GALNT13: variants seen among roughly 807,000 people sequenced by gnomAD.
GALNT13 encodes the protein UDP-GalNAc:polypeptide N-acetylgalactosaminyltransferase 13.
A neutral mutation model predicts 64.2 loss-of-function variants in GALNT13; 28 were observed. The ratio of observed to expected loss-of-function variants is 0.44; its 90% CI spans 0.32 to 0.60. GALNT13 has a LOEUF of 0.60. Among genes scored for constraint, GALNT13 ranks in the 20% least tolerant of loss-of-function variants. GALNT13 has a pLI of 0.05. For synonymous variants in GALNT13, 214 were observed against 224.6 expected (o/e 0.95, Z 0.42); for missense variants, 577 against 669.8 (o/e 0.86, Z 1.53).
At chr2:153,350,053 G>A in the GALNT13 span, among the ~76,000 whole-genome samples, 79 of 152,112 alleles carry the variant, frequency 5.2e-4, no homozygotes, top group Non-Finnish European at 9.7e-4. Flanking sequence ...CACTCTTACC[G>A]AGGTATAGTC....
the GALNT13 span, among the ~76,000 whole-genome samples, chr2:153,783,965 T>C: frequency 6.6e-6 from 1 of 152,180 alleles, no homozygotes; most frequent in Non-Finnish European, 1.5e-5. Context: ...TACAGTAAAC[T>C]GGTACTGCAG....
At chr2:153,364,895 T>C in the GALNT13 span, among the ~76,000 whole-genome samples, 9 of 152,132 alleles carry the variant, frequency 5.9e-5, no homozygotes, top group African/African-American at 1.9e-4. Context: ...AAAACTACTT[T>C]AAATTTCCTA....
At chr2:153,433,964 T>C in the GALNT13 span, among the ~76,000 whole-genome samples, 1 of 152,118 alleles carries the variant, frequency 6.6e-6, no homozygotes, top group African/African-American at 2.4e-5. Flanking sequence ...TATCTCCTAA[T>C]GCTATCCCTC....
At chr2:154,269,142 C>A (rs1412069037) in intron 8 of GALNT13, among the ~76,000 whole-genome samples, 1 of 151,944 alleles carries the variant, frequency 6.6e-6, no homozygotes, top group African/African-American at 2.4e-5. Context: ...CAGGGGTTCC[C>A]ATTGAACAGA....
chr2:154,195,908 T>C (rs1282329439), intron 4 of GALNT13, among the ~76,000 whole-genome samples: 2 of 152,186 alleles, frequency 1.3e-5, no homozygotes, highest in African/African-American at 4.8e-5. Context: ...TCTGCAGAAC[T>C]GTACTGCTCC....
intron 4 of GALNT13, among the ~76,000 whole-genome samples, chr2:154,194,036 A>T (rs1377670647): frequency 1.3e-5 from 2 of 152,158 alleles, no homozygotes; most frequent in Non-Finnish European, 2.9e-5. Flanking sequence ...GTGGCTCTAG[A>T]CTGCACAGCA....
At chr2:153,205,177 G>GTT in the GALNT13 span, among the ~76,000 whole-genome samples, 3,952 of 135,810 alleles carry the variant, frequency 0.029, 104 homozygotes, top group African/African-American at 0.064. Flanking sequence ...AAACTTTAGT[G>GTT]TTTTTTTTTT....
At chr2:154,050,059 A>T (rs886229344) in intron 3 of GALNT13, among the ~76,000 whole-genome samples, 2 of 152,096 alleles carry the variant, frequency 1.3e-5, no homozygotes, top group African/African-American at 2.4e-5. Context: ...TTAAAATTAG[A>T]TTCAATATTT....
At chr2:154,376,072 T>C (rs1207030019) in intron 9 of GALNT13, among the ~76,000 whole-genome samples, 1 of 152,198 alleles carries the variant, frequency 6.6e-6, no homozygotes, top group African/African-American at 2.4e-5. Flanking sequence ...TTGCCCTTCT[T>C]TTCATTTGGA....
At chr2:153,162,513 G>A in the GALNT13 span, among the ~76,000 whole-genome samples, 10 of 152,222 alleles carry the variant, frequency 6.6e-5, no homozygotes, top group East Asian at 1.9e-3. Context: ...TCGAATCCCA[G>A]CCTCAGATAA....
At chr2:154,189,573 A>G (rs142531660) in intron 4 of GALNT13, among the ~76,000 whole-genome samples, 196 of 151,426 alleles carry the variant, frequency 1.3e-3, no homozygotes, top group African/African-American at 4.6e-3. Flanking sequence ...CTGATCTTGG[A>G]TTTCCAGTTT....
At chr2:154,033,321 A>C (rs990138157) in intron 3 of GALNT13, among the ~76,000 whole-genome samples, 1 of 152,078 alleles carries the variant, frequency 6.6e-6, no homozygotes, top group African/African-American at 2.4e-5. Context: ...AATATATTTA[A>C]CTTTAAGAAT....
At chr2:153,722,755 A>C in the GALNT13 span, among the ~76,000 whole-genome samples, 1 of 152,180 alleles carries the variant, frequency 6.6e-6, no homozygotes, top group East Asian at 1.9e-4. Context: ...CTAAACCAGG[A>C]AGAAGTTGAA....
chr2:153,440,637 G>A, the GALNT13 span, among the ~76,000 whole-genome samples: 2,128 of 152,004 alleles, frequency 0.014, 20 homozygotes, highest in Middle Eastern at 0.031. Flanking sequence ...TTTAATGATC[G>A]CCATTCTATC....
At chr2:154,291,847 G>A (rs575772359) in intron 8 of GALNT13, among the ~76,000 whole-genome samples, 1 of 152,380 alleles carries the variant, frequency 6.6e-6, no homozygotes, top group Admixed American at 6.5e-5. Context: ...CTGCTAGCAC[G>A]TTGTCACCTC....
chr2:154,231,422 T>C (rs553669057), intron 4 of GALNT13, among the ~76,000 whole-genome samples: 1 of 152,212 alleles, frequency 6.6e-6, no homozygotes, highest in African/African-American at 2.4e-5. Flanking sequence ...ATTGATGATG[T>C]TGCTCTTATA....
At chr2:153,925,166 C>G (rs1172916988) in intron 2 of GALNT13, among the ~76,000 whole-genome samples, 1 of 152,074 alleles carries the variant, frequency 6.6e-6, no homozygotes, top group Non-Finnish European at 1.5e-5. Context: ...ATGTTTTCTC[C>G]TAGGGGTTTT....
intron 7 of GALNT13, among the ~76,000 whole-genome samples, chr2:154,247,534 A>T (rs746698515): frequency 1.3e-5 from 2 of 152,064 alleles, no homozygotes; most frequent in African/African-American, 4.8e-5. Flanking sequence ...TGCTTTATTT[A>T]TGTTCTCACA....
At chr2:153,828,637 G>T in the GALNT13 span, among the ~76,000 whole-genome samples, 3 of 152,156 alleles carry the variant, frequency 2.0e-5, no homozygotes, top group Non-Finnish European at 2.9e-5. Flanking sequence ...TGTGATGGAA[G>T]GGGCTGCTGT....
Sources: allele counts gnomAD v4.1 joint callset (sites outside exome capture counted in the v4.1 genomes callset), GRCh38; gene constraint gnomAD v4.1.1; transcripts MANE v1.5; gene names NCBI Gene and HGNC (gene_info 2026-07-23, HGNC 2026-07-21).